PLCB3: variants seen among roughly 807,000 people sequenced by gnomAD.
PLCB3 encodes 1-phosphatidylinositol 4,5-bisphosphate phosphodiesterase beta-3.
PLCB3 carries 54 observed loss-of-function variants against 152.1 expected under a neutral mutation model. The observed-to-expected ratio is 0.36, with a 90% CI of 0.29 to 0.45. The LOEUF is 0.45. PLCB3 is among the 20% of genes least tolerant of loss of function. PLCB3 has a pLI of 1.00. For synonymous variants in PLCB3, 717 were observed against 698.7 expected (o/e 1.03, Z -0.41); for missense variants, 1,248 against 1,687.5 (o/e 0.74, Z 4.56).
intron 14 of PLCB3, among the ~76,000 whole-genome samples, chr11:64,260,807 A>G (rs1022392721): frequency 6.7e-6 from 1 of 148,792 alleles, no homozygotes; most frequent in African/African-American, 2.5e-5. Context: ...CATCATTGCT[A>G]TAAAGACAAT....
chr11:64,262,355 G>A lies in PLCB3; in HGVS notation c.2039-52G>A. On this transcript the variant is annotated intron_variant, in intron 17 of 30. Coordinates refer to ENST00000279230, the MANE Select transcript of PLCB3 (RefSeq NM_000932.5). ...CTGATGATCTCCCATTCCCCACATG[G>A]CACCGTCCTGCCTGATCCCTGCCCC... 2.5e-6 allele frequency: 4 copies of A among 1,592,918 alleles called. No individual in the cohort carries two copies. In the South Asian group the frequency reaches 3.3e-5, roughly 13 times the overall value.
At position 64,265,892 on chromosome 11, in the gene PLCB3, G is replaced by A. The variant is rs779534838; in HGVS notation, c.3042G>A (p.Gly1014=). Residue 1014 remains glycine (G), a synonymous_variant, in exon 26 of 31, where the codon GGG becomes GGA. Transcript: ENST00000279230. The part of the protein sequence containing the change: ...RCRLRPGALG[G]AADVEDTKEG... ...AGAGGGGTTCTCCTCGCAGAGGTGG[G>A]GCCGCTGATGTGGAGGACACGAAGG... The A allele has an allele frequency of 8.1e-6, 13 of 1,612,400 alleles. No individual in the cohort carries two copies. The East Asian group carries it at 2.5e-4, about 30-fold the overall frequency.
Position 64,255,801 on chromosome 11 carries a change from T to A in PLCB3, c.678T>A (p.Ile226=). Residue 226 remains isoleucine (I), a synonymous_variant, in exon 8 of 31, where the codon ATT becomes ATA. Transcript: ENST00000279230. The surrounding 1 kb of genome is among the most constrained non-coding windows in gnomAD (Gnocchi z 6.8). The part of the protein sequence containing the change: ...FLNKLCLRPD[I]DKILLEIGAK... ...ACAAGCTGTGTCTGCGGCCGGACAT[T>A]GACAAGATCCTGCTGGAGATGTGAG... is the stretch of plus-strand genomic sequence containing the variant. 1 of 1,613,628 alleles carries A rather than the reference T, an allele frequency of 6.2e-7. No homozygotes were observed. Among genetic ancestry groups the A allele is most frequent in the Non-Finnish European group, 8.5e-7 (1 of 1,179,566 alleles).
At chr11:64,256,911 T>G in intron 10 of PLCB3, 147 bp downstream of exon 10, 1 of 847,202 alleles carries the variant, frequency 1.2e-6, no homozygotes, top group Non-Finnish European at 1.8e-6. Flanking sequence ...CAGCCAGCCC[T>G]GAGCAGTGGG....
intron 22 of PLCB3, among the ~76,000 whole-genome samples, chr11:64,264,503 C>A (rs913682741): frequency 1.3e-5 from 2 of 152,058 alleles, no homozygotes; most frequent in Non-Finnish European, 2.9e-5. Context: ...GGCAGGCGGG[C>A]GGGGAGAGAT....
chr11:64,253,613 G>A (rs973915748), intron 1 of PLCB3, among the ~76,000 whole-genome samples: 4 of 152,224 alleles, frequency 2.6e-5, no homozygotes, highest in African/African-American at 7.2e-5. Flanking sequence ...GGCCCTGGCC[G>A]AGTCTAAGCC....
Position 64,266,972 on chromosome 11 carries a change from T to G in PLCB3, c.3415-213T>G, listed in dbSNP as rs189379314. 1.9e-3 allele frequency among the ~76,000 whole-genome samples: 287 copies of G among 152,288 alleles called. No individual in the cohort carries two copies. The highest frequency in any genetic ancestry group is 6.7e-3 in the African/African-American group (279 of 41,542). Reference sequence around the variant, plus strand: ...CCATGCCTGGCTAATTTTTTTATTTTTAGTAGAGATGGGGTTTCACCATGT... The same window carrying G: ...CCATGCCTGGCTAATTTTTTTATTTGTAGTAGAGATGGGGTTTCACCATGT... On this transcript the variant is annotated intron_variant, in intron 29 of 30. Transcript: ENST00000279230. The surrounding 1 kb of genome is among the most constrained non-coding windows in gnomAD (Gnocchi z 4.9).
chr11:64,256,871 C>G, intron 10 of PLCB3, 107 bp downstream of exon 10: 1 of 1,268,206 alleles, frequency 7.9e-7, no homozygotes, highest in East Asian at 2.4e-5. Flanking sequence ...CATTCATTGG[C>G]CAGTGCTGGG....
intron 17 of PLCB3, 70 bp from the exon 18 acceptor site, chr11:64,262,337 T>C: frequency 1.1e-5 from 17 of 1,560,270 alleles, no homozygotes; most frequent in Non-Finnish European, 1.5e-5. Flanking sequence ...GACCTGATGA[T>C]CTCCCATTCC....
chr11:64,256,499 G>A lies in PLCB3; in HGVS notation c.822G>A (p.Leu274=), dbSNP rs7943988. The A allele has an allele frequency of 0.28, 455,493 of 1,613,648 alleles. 69,010 individuals carry two copies. Among genetic ancestry groups the A allele is most frequent in the South Asian group, 0.31 (28,565 of 91,078 alleles). Residue 274 remains leucine, a synonymous_variant, in exon 9 of 31, where the codon CTG becomes CTA. Transcript: ENST00000279230. ...CCCTGCGGCCCTCCCAGGCCCGGCT[G>A]CTCATCGAAAAGTATGAGCCCAACC... ...YPPLRPSQAR[L]LIEKYEPNQQ...
chr11:64,267,421 C>G lies in PLCB3; in HGVS notation c.3570C>G (p.Ser1190Arg), dbSNP rs750612765. The change falls in exon 31 of 31, where the codon AGC becomes AGG. Residue 1190 changes from serine to arginine, a missense_variant. Ser to Arg is a moderately radical substitution (Grantham distance 110). Coordinates refer to ENST00000279230, the MANE Select transcript of PLCB3 (RefSeq NM_000932.5). The surrounding 1 kb of genome is among the most constrained non-coding windows in gnomAD (Gnocchi z 5.2). Reference protein sequence around the residue: ...RARLPQEIRRSLLGEMPEGLG... With the variant: ...RARLPQEIRRRLLGEMPEGLG... ...GGCTCCCCCAGGAGATCCGCCGGAG[C>G]CTGCTGGGCGAGATGCCGGAGGGGC... 2.6e-6 allele frequency: 4 copies of G among 1,543,048 alleles called. No individual in the cohort carries two copies. Among genetic ancestry groups the G allele is most frequent in the Non-Finnish European group, 3.5e-6 (4 of 1,144,376 alleles).
chr11:64,256,255 C>G, intron 8 of PLCB3, 121 bp from the exon 9 acceptor site: 1 of 809,852 alleles, frequency 1.2e-6, no homozygotes, highest in Non-Finnish European at 2.0e-6. Flanking sequence ...CCCAGAGTCC[C>G]ACTCACTGGG....
chr11:64,251,653 GC>G lies in PLCB3; in HGVS notation c.5del (p.Ala2GlyfsTer40). On this transcript the variant is annotated frameshift_variant, in exon 1 of 31. Coordinates refer to ENST00000279230, the MANE Select transcript of PLCB3 (RefSeq NM_000932.5). LOFTEE classifies it high-confidence loss of function. ...CCGACCCGCCCCTGGCCGGGCCATG[GC>G]GGGCGCCCAGCCCGGCGTCCACGCG... is the stretch of plus-strand genomic sequence containing the variant. M[A>X]GAQPGVHALQ... The G allele has an allele frequency of 6.8e-7, 1 of 1,463,804 alleles. No homozygotes were observed. Among genetic ancestry groups the G allele is most frequent in the Non-Finnish European group, 9.1e-7 (1 of 1,103,708 alleles). The allele number at this position is 1,463,804 out of a possible 1,614,324, so 90.7% of individuals were successfully genotyped here. A position where few individuals can be genotyped will look rare whatever the true frequency, so the allele number is the denominator to read the frequency against.
chr11:64,267,475 CAGCAACGGTCACGCACCCGGG>C lies in PLCB3; in HGVS notation c.3629_3649del (p.Asn1210_Ser1216del), dbSNP rs1248939156. 6.4e-7 allele frequency: 1 copy of C among 1,564,690 alleles called. No individual in the cohort carries two copies. Among genetic ancestry groups the C allele is most frequent in the South Asian group, 1.2e-5 (1 of 85,744 alleles). On this transcript the variant is annotated inframe_deletion, in exon 31 of 31. Coordinates refer to ENST00000279230, the MANE Select transcript of PLCB3 (RefSeq NM_000932.5). The surrounding 1 kb of genome is among the most constrained non-coding windows in gnomAD (Gnocchi z 5.2). ...GGGACGGGCCTCTGGTGGCCTGTGCCAGCAACGGTCACGCACCCGGGAGCAGCGGGCACCTGTCGGGCGCTG... is the reference window on the plus strand; with the variant it reads ...GGGACGGGCCTCTGGTGGCCTGTGCCAGCAGCGGGCACCTGTCGGGCGCTG...
rs768957160 is a variant in PLCB3, at chr11:64,267,389, C to T, written c.3538C>T (p.Arg1180Trp). The T allele has an allele frequency of 1.7e-5, 26 of 1,541,916 alleles. No homozygotes were observed. The highest frequency in any genetic ancestry group is 4.1e-5 in the African/African-American group (3 of 73,032). Residue 1180 changes from arginine (R) to tryptophan (W), a missense_variant, in exon 31 of 31, where the codon CGG becomes TGG. Coordinates refer to ENST00000279230, the MANE Select transcript of PLCB3 (RefSeq NM_000932.5). The surrounding 1 kb of genome is among the most constrained non-coding windows in gnomAD (Gnocchi z 5.2). ...GCTGGCCCAGGAGTGTCAGGAGCAG[C>T]GGGCGAGGCTCCCCCAGGAGATCCG... is the stretch of plus-strand genomic sequence containing the variant. ...AQLAQECQEQ[R>W]ARLPQEIRRS...
chr11:64,267,412 C>A lies in PLCB3; in HGVS notation c.3561C>A (p.Ile1187=). The part of the protein sequence containing the change: ...QEQRARLPQE[I]RRSLLGEMPE... ...AGCGGGCGAGGCTCCCCCAGGAGAT[C>A]CGCCGGAGCCTGCTGGGCGAGATGC... Residue 1187 remains isoleucine, a synonymous_variant, in exon 31 of 31, where the codon ATC becomes ATA. Coordinates refer to ENST00000279230, the MANE Select transcript of PLCB3 (RefSeq NM_000932.5). This position sits in a 1 kb window ranked among gnomAD's most constrained non-coding sequence, Gnocchi z 5.2. 1 of 1,539,680 alleles carries A rather than the reference C, an allele frequency of 6.5e-7. No homozygotes were observed. The highest frequency in any genetic ancestry group is 1.2e-5 in the South Asian group (1 of 82,730).
intron 1 of PLCB3, 141 bp downstream of exon 1, chr11:64,251,889 G>C: frequency 2.2e-6 from 1 of 444,914 alleles, no homozygotes; most frequent in South Asian, 5.1e-5. Context: ...GGAAACTTAA[G>C]TCCCCGATCG....
intron 19 of PLCB3, 193 bp from the exon 20 acceptor site, chr11:64,263,305 T>A: frequency 5.2e-6 from 3 of 572,306 alleles, no homozygotes; most frequent in Non-Finnish European, 9.3e-6. Flanking sequence ...TCCTGATGGC[T>A]GCAGTCATCC....
rs756343750 is a variant in PLCB3, at chr11:64,260,136, C to T, written c.1633C>T (p.Arg545Ter). 3 of 1,611,082 alleles carry T rather than the reference C, an allele frequency of 1.9e-6. No homozygotes were observed. The highest frequency in any genetic ancestry group is 2.5e-6 in the Non-Finnish European group (3 of 1,178,864). Reference sequence around the variant, plus strand: ...GTCTCTGGGTGACGAGGGCCTGAACCGAGGCCCCTATGTTCTTGGACCTGC... The same window carrying T: ...GTCTCTGGGTGACGAGGGCCTGAACTGAGGCCCCTATGTTCTTGGACCTGC... ...QKSLGDEGLN[R>*]GPYVLGPADR... Residue 545 changes from arginine to a stop codon, truncating the protein, a stop_gained, in exon 14 of 31, where the codon CGA (arginine) becomes TGA (stop). Coordinates refer to ENST00000279230, the MANE Select transcript of PLCB3 (RefSeq NM_000932.5). LOFTEE classifies it high-confidence loss of function.
Sources: gnomAD v4.1 joint callset for allele counts (sites outside exome capture counted in the v4.1 genomes callset) on GRCh38, gnomAD v4.1.1 for gene constraint, Gnocchi (gnomAD v3.1) non-coding constraint, MANE v1.5 for transcripts, NCBI Gene and HGNC (gene_info 2026-07-23, HGNC 2026-07-21) for gene names.